The following TBC1D32 variants were observed in gnomAD, a reference collection of about 807,000 sequenced individuals.
TBC1D32 encodes protein broad-minded.
TBC1D32 carries 151 observed loss-of-function variants against 170.3 expected under a neutral mutation model. The observed-to-expected ratio is 0.89, with a 90% CI of 0.78 to 1.01. The LOEUF is 1.01. Among genes scored for constraint, TBC1D32 ranks in the 50% least tolerant of loss-of-function variants. The pLI, the probability that TBC1D32 is intolerant of heterozygous loss-of-function variation, is 0.00. For synonymous variants in TBC1D32, 498 were observed against 488.0 expected (o/e 1.02, Z -0.27); for missense variants, 1,464 against 1,457.1 (o/e 1.00, Z -0.08).
intron 22 of TBC1D32, among the ~76,000 whole-genome samples, chr6:121,180,328 C>G (rs1456723464): frequency 5.3e-5 from 8 of 152,082 alleles, no homozygotes; most frequent in Non-Finnish European, 1.0e-4. Flanking sequence ...GTTATTTTAA[C>G]TTATTACAAA....
At chr6:121,085,296 CATACAT>C (rs1776111012) in intron 31 of TBC1D32, among the ~76,000 whole-genome samples, 1 of 140,758 alleles carries the variant, frequency 7.1e-6, no homozygotes, top group African/African-American at 2.7e-5. Flanking sequence ...TACATATATA[CATACAT>C]ATATATACAT....
Position 121,132,902 on chromosome 6 carries a change from A to G in TBC1D32, c.2774-1150T>C, listed in dbSNP as rs1467327447. 3.9e-5 allele frequency among the ~76,000 whole-genome samples: 6 copies of G among 152,120 alleles called. No individual in the cohort carries two copies. The East Asian group carries it at 1.2e-3, about 29-fold the overall frequency. On this transcript the variant is annotated intron_variant, in intron 24 of 31. Coordinates refer to ENST00000398212, the MANE Select transcript of TBC1D32 (RefSeq NM_152730.6). ...TGCATATGTATTCATATACACATAT[A>G]CATATGTAAAAATTCAAAGGTGACG...
intron 22 of TBC1D32, among the ~76,000 whole-genome samples, chr6:121,188,981 G>A (rs1175293114): frequency 6.6e-6 from 1 of 151,874 alleles, no homozygotes; most frequent in African/African-American, 2.4e-5. Flanking sequence ...GCTCTAAACT[G>A]TCTTTTTTAA....
intron 10 of TBC1D32, among the ~76,000 whole-genome samples, chr6:121,297,253 T>C (rs1034039579): frequency 6.6e-6 from 1 of 152,054 alleles, no homozygotes; most frequent in Non-Finnish European, 1.5e-5. Context: ...AGACAGAAAT[T>C]TGCTATAAAA....
intron 11 of TBC1D32, among the ~76,000 whole-genome samples, chr6:121,293,349 T>C (rs1338254389): frequency 6.6e-6 from 1 of 152,164 alleles, no homozygotes; most frequent in African/African-American, 2.4e-5. Flanking sequence ...ACTTCTACAC[T>C]TTCTCCTCCC....
intron 2 of TBC1D32, 109 bp from the exon 3 acceptor site, chr6:121,317,781 ACAC>A: frequency 1.4e-6 from 1 of 737,196 alleles, no homozygotes; most frequent in Non-Finnish European, 2.0e-6. Flanking sequence ...CCCTTTAAGA[ACAC>A]AATGCTAAGG....
intron 30 of TBC1D32, among the ~76,000 whole-genome samples, chr6:121,100,245 T>C (rs1358369866): frequency 1.3e-5 from 2 of 152,032 alleles, no homozygotes; most frequent in Admixed American, 1.3e-4. Context: ...TATATTCTGC[T>C]GATATGGGGT....
chr6:121,302,890 C>T (rs1806702394), intron 9 of TBC1D32, among the ~76,000 whole-genome samples: 1 of 152,126 alleles, frequency 6.6e-6, no homozygotes. Flanking sequence ...AGGCACAAAG[C>T]ACCATTGCTA....
intron 21 of TBC1D32, among the ~76,000 whole-genome samples, chr6:121,214,873 T>G (rs1013248965): frequency 6.6e-6 from 1 of 152,080 alleles, no homozygotes; most frequent in Non-Finnish European, 1.5e-5. Flanking sequence ...AACTGGAGGG[T>G]GAGCAAAGCA....
rs1351548591 is a variant in TBC1D32 at position 121,126,151 on chromosome 6, A to G, written c.2983+227T>C. Reference sequence around the variant, plus strand: ...CATTGCTTAAGGCAAAACAACTTTTAGTGGATAGAGAGAGAAAAAGAAAGC... The same window carrying G: ...CATTGCTTAAGGCAAAACAACTTTTGGTGGATAGAGAGAGAAAAAGAAAGC... On this transcript the variant is annotated intron_variant, in intron 26 of 31. Coordinates refer to ENST00000398212, the MANE Select transcript of TBC1D32 (RefSeq NM_152730.6). Among the ~76,000 whole-genome samples, 5 of 152,336 alleles carry G rather than the reference A, an allele frequency of 3.3e-5. No individual in the cohort carries two copies. In the East Asian group the frequency reaches 9.7e-4, roughly 29 times the overall value.
At chr6:121,150,886 T>C (rs1784127801) in intron 24 of TBC1D32, among the ~76,000 whole-genome samples, 1 of 68,814 alleles carries the variant, frequency 1.5e-5, no homozygotes, top group Non-Finnish European at 6.0e-5. Flanking sequence ...TATTTGATTC[T>C]TCTCTTTTTT....
chr6:121,303,615 A>G lies in TBC1D32; in HGVS notation c.1080+2T>C, dbSNP rs1214658364. The G allele has an allele frequency of 2.0e-6, 3 of 1,535,720 alleles. No individual in the cohort carries two copies. In the Admixed American group the frequency reaches 5.5e-5, roughly 28 times the overall value. ...GTATAAAAATATTCTATTTTTCCTT[A>G]CCATCCACTTTTTGAACCACACAGC... is the stretch of plus-strand genomic sequence containing the variant. On this transcript the variant is annotated splice_donor_variant, in intron 9 of 31. Transcript: ENST00000398212. LOFTEE classifies it high-confidence loss of function.
intron 30 of TBC1D32, among the ~76,000 whole-genome samples, chr6:121,093,299 C>G (rs1777028994): frequency 6.6e-6 from 1 of 152,066 alleles, no homozygotes; most frequent in African/African-American, 2.4e-5. Flanking sequence ...GAAGAAGTAT[C>G]TCCTGCTCCC....
chr6:121,315,382 T>C (rs1176080450), intron 3 of TBC1D32, among the ~76,000 whole-genome samples: 1 of 152,206 alleles, frequency 6.6e-6, no homozygotes, highest in African/African-American at 2.4e-5. Flanking sequence ...CCAGGTTTAA[T>C]CACAATACCA....
intron 22 of TBC1D32, among the ~76,000 whole-genome samples, chr6:121,168,375 T>C (rs1786377781): frequency 7.2e-6 from 1 of 139,094 alleles, no homozygotes; most frequent in Admixed American, 7.6e-5. Flanking sequence ...TGGAATACTA[T>C]ACAGCCATAA....
intron 21 of TBC1D32, among the ~76,000 whole-genome samples, chr6:121,212,321 T>G (rs1364573569): frequency 6.6e-6 from 1 of 152,010 alleles, no homozygotes; most frequent in Non-Finnish European, 1.5e-5. Flanking sequence ...TCATTCCTAA[T>G]AAAATTATTC....
chr6:121,318,871 A>G (rs189248954), intron 2 of TBC1D32, among the ~76,000 whole-genome samples: 18 of 151,456 alleles, frequency 1.2e-4, no homozygotes, highest in Non-Finnish European at 2.5e-4. Context: ...CCTTTTCTGT[A>G]TAATTCTGAA....
intron 2 of TBC1D32, among the ~76,000 whole-genome samples, chr6:121,321,327 G>C (rs1809666596): frequency 1.3e-5 from 2 of 152,182 alleles, no homozygotes; most frequent in African/African-American, 4.8e-5. Flanking sequence ...TTTTGCAAAA[G>C]AGCAGGCAAG....
At chr6:121,150,864 T>C (rs980022509) in intron 24 of TBC1D32, among the ~76,000 whole-genome samples, 1 of 144,056 alleles carries the variant, frequency 6.9e-6, no homozygotes, top group African/African-American at 2.4e-5. Flanking sequence ...CTTTATCATT[T>C]TTTATTGTGT....
Sources: gnomAD v4.1 joint callset for allele counts (sites outside exome capture counted in the v4.1 genomes callset) on GRCh38, gnomAD v4.1.1 for gene constraint, MANE v1.5 for transcripts, NCBI Gene and HGNC (gene_info 2026-07-23, HGNC 2026-07-21) for gene names.